HECW1: variants seen among roughly 807,000 people sequenced by gnomAD.
HECW1 encodes HECT, C2 and WW domain containing E3 ubiquitin protein ligase 1.
A neutral mutation model predicts 182.3 loss-of-function variants in HECW1; 61 were observed. The observed-to-expected ratio is 0.33, with a 90% CI of 0.27 to 0.41. HECW1 has a LOEUF of 0.41. Ranked by LOEUF, HECW1 falls within the 10% of genes least tolerant of loss-of-function variation. HECW1 has a pLI of 1.00. For missense variants in HECW1, 1,739 were observed against 2,108.9 expected (o/e 0.82, Z 3.44); for synonymous variants, 859 against 832.6 (o/e 1.03, Z -0.55).
At position 43,460,545 on chromosome 7, in the gene HECW1, TGTGTGCGTGTGTGC is replaced by T. The variant is rs546209985; in HGVS notation, c.2652-3109_2652-3096del. Among the ~76,000 whole-genome samples the T allele has an allele frequency of 1.1e-3, 166 of 151,962 alleles. 2 individuals carry two copies. The highest frequency in any genetic ancestry group is 6.8e-3 in the Middle Eastern group (2 of 294). On this transcript the variant is annotated intron_variant, in intron 13 of 29. Coordinates refer to ENST00000395891, the MANE Select transcript of HECW1 (RefSeq NM_015052.5). ...GTACGTGTGTGTGCGCGCGTGCGTGTGTGTGCGTGTGTGCGTGTGTGTGTGTGTGTCCATTTACA... is the reference window on the plus strand; with the variant it reads ...GTACGTGTGTGTGCGCGCGTGCGTGTGTGTGTGTGTGTGTGTCCATTTACA...
intron 24 of HECW1, among the ~76,000 whole-genome samples, chr7:43,537,587 CA>C (rs2081222055): frequency 6.6e-6 from 1 of 152,284 alleles, no homozygotes; most frequent in East Asian, 1.9e-4. Flanking sequence ...AGCAATTCAT[CA>C]GCTATTGTTT....
intron 23 of HECW1, chr7:43,508,652 C>T: frequency 2.8e-6 from 1 of 350,922 alleles, no homozygotes; most frequent in Non-Finnish European, 5.2e-6. Context: ...TGTCCCACAA[C>T]AAAGGCCTTG....
At chr7:43,323,419 C>A (rs577740416) in intron 5 of HECW1, among the ~76,000 whole-genome samples, 1 of 152,154 alleles carries the variant, frequency 6.6e-6, no homozygotes, top group East Asian at 1.9e-4. Context: ...TGTGGAAAAA[C>A]CCCATCTCTG....
chr7:43,544,303 A>G (rs568586698), intron 26 of HECW1, among the ~76,000 whole-genome samples: 8 of 152,368 alleles, frequency 5.3e-5, no homozygotes, highest in Admixed American at 3.9e-4. Context: ...TCAATAAGAA[A>G]TTATCAGTCA....
chr7:43,131,082 A>G (rs887687456), intron 2 of HECW1, among the ~76,000 whole-genome samples: 1 of 92,572 alleles, frequency 1.1e-5, no homozygotes, highest in Admixed American at 1.0e-4. Context: ...CCTGGCCAAT[A>G]TGGTGAAACC....
chr7:43,200,915 G>T (rs1394419834), intron 2 of HECW1, among the ~76,000 whole-genome samples: 5 of 152,206 alleles, frequency 3.3e-5, no homozygotes, highest in Non-Finnish European at 5.9e-5. Flanking sequence ...CGGCTCGATG[G>T]AAGGAAGCTT....
At chr7:43,146,592 A>G (rs1334277363) in intron 2 of HECW1, among the ~76,000 whole-genome samples, 1 of 152,256 alleles carries the variant, frequency 6.6e-6, no homozygotes, top group Non-Finnish European at 1.5e-5. Context: ...CCCAAGCATT[A>G]CTGTAACAAT....
intron 3 of HECW1, among the ~76,000 whole-genome samples, chr7:43,287,786 C>T (rs1804849841): frequency 6.6e-6 from 1 of 152,198 alleles, no homozygotes; most frequent in Non-Finnish European, 1.5e-5. Flanking sequence ...GGTCAGAGGA[C>T]AGGGCAGATT....
chr7:43,385,478 C>T (rs2074757266), intron 6 of HECW1, among the ~76,000 whole-genome samples: 1 of 151,436 alleles, frequency 6.6e-6, no homozygotes. Flanking sequence ...TGCCCAAGTC[C>T]CACCCACCTC....
chr7:43,186,511 CA>C (rs1010766949), intron 2 of HECW1, among the ~76,000 whole-genome samples: 5 of 151,656 alleles, frequency 3.3e-5, no homozygotes, highest in African/African-American at 1.2e-4. Context: ...ACTAAAAATA[CA>C]AAAAAATTTA....
In HECW1 at chr7:43,469,106, G is replaced by GT; in HGVS notation, c.3099+2dup. 7 of 1,613,570 alleles carry GT rather than the reference G, an allele frequency of 4.3e-6. No homozygotes were observed. The highest frequency in any genetic ancestry group is 5.9e-6 in the Non-Finnish European group (7 of 1,179,916). ...GATCAAAACGGACCAGCAGGGAAAG[G>GT]TGAGTGTGACCCACGTGCGGGGCTT... On this transcript the variant is annotated splice_donor_variant, in intron 16 of 29. Transcript: ENST00000395891. LOFTEE classifies it high-confidence loss of function.
intron 7 of HECW1, among the ~76,000 whole-genome samples, chr7:43,402,119 T>C (rs751350241): frequency 5.9e-5 from 9 of 152,130 alleles, no homozygotes; most frequent in Non-Finnish European, 1.3e-4. Context: ...CGCCAATCAC[T>C]GAAACCCCTG....
chr7:43,507,692 G>A (rs202079846), intron 22 of HECW1, among the ~76,000 whole-genome samples: 21 of 152,070 alleles, frequency 1.4e-4, no homozygotes, highest in African/African-American at 4.6e-4. Flanking sequence ...TCCCTTCTGG[G>A]TTTATTATTT....
chr7:43,280,784 C>T (rs1284253297), intron 3 of HECW1, among the ~76,000 whole-genome samples: 4 of 152,094 alleles, frequency 2.6e-5, no homozygotes, highest in African/African-American at 7.2e-5. Flanking sequence ...CTTTGAGACA[C>T]TTGAAGAAAA....
At chr7:43,546,788 C>T (rs1292304021) in intron 26 of HECW1, among the ~76,000 whole-genome samples, 2 of 152,110 alleles carry the variant, frequency 1.3e-5, no homozygotes, top group East Asian at 3.8e-4. Flanking sequence ...GGGGTTAAAG[C>T]TTTAATGGAT....
chr7:43,446,685 TG>T (rs1414848778), intron 11 of HECW1, among the ~76,000 whole-genome samples: 1 of 152,162 alleles, frequency 6.6e-6, no homozygotes, highest in African/African-American at 2.4e-5. Context: ...TATTCAATAA[TG>T]CCCGCTTCTA....
chr7:43,556,063 C>G (rs1221902645), intron 29 of HECW1, among the ~76,000 whole-genome samples: 1 of 152,178 alleles, frequency 6.6e-6, no homozygotes, highest in Non-Finnish European at 1.5e-5. Flanking sequence ...CTAGGGAGAA[C>G]ACGGCCTGAT....
intron 2 of HECW1, among the ~76,000 whole-genome samples, chr7:43,189,603 G>A (rs6958085): frequency 0.23 from 33,601 of 149,078 alleles, 3,953 homozygotes; most frequent in Non-Finnish European, 0.25. Context: ...TTAAAAAAAA[G>A]AAAGAGAGAA....
chr7:43,313,355 G>T (rs879653933), intron 4 of HECW1, among the ~76,000 whole-genome samples: 289 of 88,786 alleles, frequency 3.3e-3, no homozygotes, highest in Middle Eastern at 0.017. Flanking sequence ...TTTTTTTTTT[G>T]AGATGGAGTT....
Sources: allele counts gnomAD v4.1 joint callset (sites outside exome capture counted in the v4.1 genomes callset), GRCh38; gene constraint gnomAD v4.1.1; transcripts MANE v1.5; gene names NCBI Gene and HGNC (gene_info 2026-07-23, HGNC 2026-07-21).